The following RSPO2 variants were observed in gnomAD, a reference collection of about 807,000 sequenced individuals.
RSPO2 encodes R-spondin-2.
Under a neutral mutation model 30.9 loss-of-function variants are expected in RSPO2, and 14 were observed. That is an observed-to-expected ratio of 0.45 (90% CI 0.30 to 0.71). RSPO2 has a LOEUF of 0.71. Ranked by LOEUF, RSPO2 falls within the 30% of genes least tolerant of loss-of-function variation. RSPO2 has a pLI of 0.08. For synonymous variants in RSPO2, 107 were observed against 96.4 expected (o/e 1.11, Z -0.64); for missense variants, 264 against 301.9 (o/e 0.87, Z 0.93).
At position 108,083,300 on chromosome 8, in the gene RSPO2, C is replaced by G. The variant is rs543567601; in HGVS notation, c.-273G>C. The G allele has an allele frequency of 3.3e-5, 5 of 152,312 alleles. No homozygotes were observed. Among genetic ancestry groups the G allele is most frequent in the Admixed American group, 6.5e-5 (1 of 15,310 alleles). The allele number at this position is 152,312 out of a possible 1,614,324, so 9.4% of individuals were successfully genotyped here. On this transcript the variant is annotated 5_prime_UTR_variant, in exon 1 of 6. Transcript: ENST00000276659. ...GCACGTGGGCTGGGGAAAAGTTTGC[C>G]GAGACCGGCTGGGAGCGCCTGGCAG...
chr8:108,008,392 C>T (rs536678076), intron 2 of RSPO2, among the ~76,000 whole-genome samples: 1 of 152,242 alleles, frequency 6.6e-6, no homozygotes, highest in South Asian at 2.1e-4. Context: ...TGTGGCCTTC[C>T]TTACTCACAG....
At chr8:107,910,172 C>T (rs1811778069) in intron 5 of RSPO2, among the ~76,000 whole-genome samples, 1 of 152,120 alleles carries the variant, frequency 6.6e-6, no homozygotes, top group African/African-American at 2.4e-5. Context: ...AAAATAATTC[C>T]ATTAGAACAA....
intron 3 of RSPO2, among the ~76,000 whole-genome samples, chr8:107,964,148 G>A (rs1275895777): frequency 6.6e-6 from 1 of 152,236 alleles, no homozygotes; most frequent in Non-Finnish European, 1.5e-5. Flanking sequence ...AACCAGTGCA[G>A]GTGGCCCATG....
intron 5 of RSPO2, among the ~76,000 whole-genome samples, chr8:107,949,118 A>C (rs673355): frequency 0.54 from 81,170 of 151,666 alleles, 23,840 homozygotes; most frequent in East Asian, 0.7. Flanking sequence ...CTGTCACCCA[A>C]GAAGTGTACA....
intron 2 of RSPO2, among the ~76,000 whole-genome samples, chr8:108,064,344 C>A (rs1199826395): frequency 6.6e-6 from 1 of 152,124 alleles, no homozygotes; most frequent in South Asian, 2.1e-4. Flanking sequence ...AAAACAACCC[C>A]ATCCAAAAGT....
At chr8:107,942,280 C>T (rs962122329) in intron 5 of RSPO2, among the ~76,000 whole-genome samples, 1 of 152,182 alleles carries the variant, frequency 6.6e-6, no homozygotes, top group African/African-American at 2.4e-5. Flanking sequence ...GTAAAATGTA[C>T]TGGCTGAACA....
At chr8:107,939,116 A>G (rs540230893) in intron 5 of RSPO2, among the ~76,000 whole-genome samples, 45 of 152,232 alleles carry the variant, frequency 3.0e-4, no homozygotes, top group African/African-American at 1.0e-3. Context: ...CAAAAATAAG[A>G]TAATTCTTGC....
intron 2 of RSPO2, among the ~76,000 whole-genome samples, chr8:108,079,327 T>A (rs376895921): frequency 4.6e-5 from 7 of 152,162 alleles, no homozygotes; most frequent in African/African-American, 1.7e-4. Flanking sequence ...TTAGTGACTA[T>A]CAAATGCATT....
intron 3 of RSPO2, among the ~76,000 whole-genome samples, chr8:107,974,847 TACACACAC>T (rs10530103): frequency 1.3e-5 from 2 of 150,814 alleles, no homozygotes; most frequent in Non-Finnish European, 3.0e-5. Flanking sequence ...CACATACACA[TACACACAC>T]ACACACACAC....
At chr8:108,069,191 G>GT (rs541986555) in intron 2 of RSPO2, among the ~76,000 whole-genome samples, 143 of 146,180 alleles carry the variant, frequency 9.8e-4, no homozygotes, top group African/African-American at 3.7e-3. Flanking sequence ...GTTGGTGCAT[G>GT]TATGTGTGAA....
At chr8:107,925,385 T>C (rs1299777170) in intron 5 of RSPO2, among the ~76,000 whole-genome samples, 2 of 151,368 alleles carry the variant, frequency 1.3e-5, no homozygotes, top group South Asian at 2.1e-4. Context: ...TTGTGTTTTT[T>C]TTCTTTTATA....
Position 108,078,302 on chromosome 8 carries a change from T to G in RSPO2, c.94+4243A>C, listed in dbSNP as rs116752891. Among the ~76,000 whole-genome samples, 3 of 152,162 alleles carry G rather than the reference T, an allele frequency of 2.0e-5. No homozygotes were observed. In the South Asian group the frequency reaches 6.2e-4, roughly 32 times the overall value. On this transcript the variant is annotated intron_variant, in intron 2 of 5. Coordinates refer to ENST00000276659, the MANE Select transcript of RSPO2 (RefSeq NM_178565.5). ...TGCCTTAAAAAATTATGCCGTTATG[T>G]TGGAAGAGAAAGCAGCCAATCAAAA...
At position 107,989,159 on chromosome 8, in the gene RSPO2, G is replaced by T. The variant is rs149399382; in HGVS notation, c.180C>A (p.Phe60Leu). 5.0e-6 allele frequency: 8 copies of T among 1,612,148 alleles called. No homozygotes were observed. Among genetic ancestry groups the T allele is most frequent in the Admixed American group, 3.4e-5 (2 of 59,504 alleles). Residue 60 changes from phenylalanine (F) to leucine (L), a missense_variant, in exon 3 of 6, where the codon TTC becomes TTA. Phe to Leu is a conservative substitution (Grantham distance 22, BLOSUM62 0). Coordinates refer to ENST00000276659, the MANE Select transcript of RSPO2 (RefSeq NM_178565.5). ...NGCSRCQQKL[F>L]FFLRREGMRQ... ...GCATCCCTTCTCTTCGAAGGAAGAA[G>T]AACAACTTCTGTTGACATCGGCTAC... is the stretch of plus-strand genomic sequence containing the variant.
chr8:107,952,811 G>T (rs1382625631), intron 5 of RSPO2, among the ~76,000 whole-genome samples: 3 of 152,160 alleles, frequency 2.0e-5, no homozygotes, highest in African/African-American at 7.2e-5. Flanking sequence ...GTTTGGAGAA[G>T]TCTTACTACT....
intron 5 of RSPO2, among the ~76,000 whole-genome samples, chr8:107,905,236 A>G (rs551966512): frequency 6.6e-6 from 1 of 152,110 alleles, no homozygotes; most frequent in Non-Finnish European, 1.5e-5. Context: ...TACATCCCTC[A>G]GAGTAAGGCA....
chr8:107,984,104 T>C (rs986023541), intron 3 of RSPO2: 1 of 464,262 alleles, frequency 2.2e-6, no homozygotes, highest in Non-Finnish European at 3.8e-6. Context: ...AGCAGAGGCA[T>C]TGCCAGGACT....
chr8:108,063,040 T>C lies in RSPO2; in HGVS notation c.94+19505A>G, dbSNP rs528428110. Reference sequence around the variant, plus strand: ...ATTGATAGGAAGTATCTCAAAATAATAAGAGCTATTTATGACAAACCCACA... The same window carrying C: ...ATTGATAGGAAGTATCTCAAAATAACAAGAGCTATTTATGACAAACCCACA... On this transcript the variant is annotated intron_variant, in intron 2 of 5. Coordinates refer to ENST00000276659, the MANE Select transcript of RSPO2 (RefSeq NM_178565.5). Among the ~76,000 whole-genome samples the C allele has an allele frequency of 4.0e-5, 6 of 150,616 alleles. 1 individual carries two copies. Among genetic ancestry groups the C allele is most frequent in the African/African-American group, 1.5e-4 (6 of 39,944 alleles).
Position 107,924,875 on chromosome 8 carries a change from G to C in RSPO2, c.617-23685C>G, listed in dbSNP as rs184976307. On this transcript the variant is annotated intron_variant, in intron 5 of 5. Transcript: ENST00000276659. ...AAAATAAGTTCTCAAGTAGATTTAT[G>C]GTTTAAATATGCATGCAAAAAAAAT... 1.7e-3 allele frequency among the ~76,000 whole-genome samples: 258 copies of C among 151,344 alleles called. 2 individuals carry two copies. The highest frequency in any genetic ancestry group is 6.1e-3 in the African/African-American group (252 of 41,244).
At position 107,941,641 on chromosome 8, in the gene RSPO2, G is replaced by C. The variant is rs1586563370; in HGVS notation, c.616+16439C>G. 2.6e-5 allele frequency among the ~76,000 whole-genome samples: 4 copies of C among 152,168 alleles called. 1 individual carries two copies. ...CACTATAAGAGACCACTCTGACCATGAATAAATCTAATCAGTGAGAGTCAG... is the reference window on the plus strand; with the variant it reads ...CACTATAAGAGACCACTCTGACCATCAATAAATCTAATCAGTGAGAGTCAG... On this transcript the variant is annotated intron_variant, in intron 5 of 5. Transcript: ENST00000276659.
Sources: allele counts gnomAD v4.1 joint callset (sites outside exome capture counted in the v4.1 genomes callset), GRCh38; gene constraint gnomAD v4.1.1; transcripts MANE v1.5; gene names NCBI Gene and HGNC (gene_info 2026-07-23, HGNC 2026-07-21).